Variants in PCDHGB1 observed in about 807,000 individuals in gnomAD.
The protein encoded by PCDHGB1 is protocadherin gamma subfamily B, 1.
Under a neutral mutation model 56.6 loss-of-function variants are expected in PCDHGB1, and 34 were observed. That is an observed-to-expected ratio of 0.60 (90% CI 0.46 to 0.80). PCDHGB1 has a LOEUF of 0.80. Among genes scored for constraint, PCDHGB1 ranks in the 30% least tolerant of loss-of-function variants. The probability of loss-of-function intolerance (pLI) is 0.00; values close to 1 mark genes in which losing one functional copy is unlikely to be tolerated. For synonymous variants in PCDHGB1, 561 were observed against 505.9 expected, an observed-to-expected ratio of 1.11 and a Z score of -1.46; for missense variants, 1,278 against 1,204.6, an observed-to-expected ratio of 1.06 and a Z score of -0.90.
At chr5:141,498,670 G>A (rs1266576450) in intron 2 of PCDHGB1, among the ~76,000 whole-genome samples, 1 of 152,066 alleles carries the variant, frequency 6.6e-6, no homozygotes, top group Non-Finnish European at 1.5e-5. Flanking sequence ...GGTGGCTCAC[G>A]CCTGTAATCC....
chr5:141,423,612 TGAAGAC>T, intron 1 of PCDHGB1: 1 of 1,611,004 alleles, frequency 6.2e-7, no homozygotes, highest in African/African-American at 1.3e-5. Flanking sequence ...TCTTGATAGC[TGAAGAC>T]TCAGCTATCA....
In PCDHGB1 at chr5:141,485,632, G is replaced by A. The variant is rs1335265010; in HGVS notation, c.2410-9175G>A. On this transcript the variant is annotated intron_variant, in intron 1 of 3. Transcript: ENST00000523390. This position sits in a 1 kb window ranked among gnomAD's most constrained non-coding sequence, Gnocchi z 5.7. ...CAGCTCCTCCAGGACAGCGTTTCCCGTTGGAAAAGGCTCAGGATGCAGATG... is the reference window on the plus strand; with the variant it reads ...CAGCTCCTCCAGGACAGCGTTTCCCATTGGAAAAGGCTCAGGATGCAGATG... 1.2e-6 allele frequency: 2 copies of A among 1,611,766 alleles called. No homozygotes were observed. The highest frequency in any genetic ancestry group is 1.7e-6 in the Non-Finnish European group (2 of 1,178,342).
chr5:141,448,956 C>A (rs2098619571), intron 1 of PCDHGB1, among the ~76,000 whole-genome samples: 1 of 151,948 alleles, frequency 6.6e-6, no homozygotes, highest in Non-Finnish European at 1.5e-5. Context: ...AAAAAACAAA[C>A]AAACAAACAA....
chr5:141,360,927 G>T (rs1455731700), intron 1 of PCDHGB1: 1 of 1,613,866 alleles, frequency 6.2e-7, no homozygotes, highest in African/African-American at 1.3e-5. Flanking sequence ...TGCTTCAAGT[G>T]ACAGCCACCG....
chr5:141,415,766 TTTTTTTACTTTC>T, intron 1 of PCDHGB1: 1 of 1,295,032 alleles, frequency 7.7e-7, no homozygotes, highest in Admixed American at 3.5e-5. Flanking sequence ...TTTTTTTTTT[TTTTTTTACTTTC>T]TGGTAAAATT....
intron 1 of PCDHGB1, chr5:141,384,037 G>T (rs759701397): frequency 6.2e-7 from 1 of 1,613,004 alleles, no homozygotes; most frequent in Admixed American, 1.7e-5. Context: ...TGGAAAGAAT[G>T]GTGAGGTGAC....
intron 1 of PCDHGB1, chr5:141,384,177 T>C (rs1779802926): frequency 6.2e-7 from 1 of 1,613,720 alleles, no homozygotes; most frequent in African/African-American, 1.3e-5. Flanking sequence ...AAGCCACAGA[T>C]GGTGGAACTC....
At chr5:141,455,860 A>ATTAT (rs145569377) in intron 1 of PCDHGB1, among the ~76,000 whole-genome samples, 7,190 of 139,786 alleles carry the variant, frequency 0.051, 228 homozygotes, top group South Asian at 0.064. Context: ...AATTTCTTTT[A>ATTAT]TTATTTATTT....
chr5:141,410,167 T>A (rs372848702), intron 1 of PCDHGB1: 1 of 1,613,770 alleles, frequency 6.2e-7, no homozygotes, highest in South Asian at 1.1e-5. Flanking sequence ...CGCCACTCTC[T>A]GCCACCGCCA....
At chr5:141,394,982 C>CCTGCTCCA (rs2093142772) in intron 1 of PCDHGB1, 2 of 1,613,866 alleles carry the variant, frequency 1.2e-6, no homozygotes, top group South Asian at 2.2e-5. Flanking sequence ...ACAAGTCACG[C>CCTGCTCCA]CTGCTCCAGG....
chr5:141,351,748 G>C lies in PCDHGB1; in HGVS notation c.1488G>C (p.Glu496Asp). The change falls in exon 1 of 4, where the codon GAG becomes GAC. Residue 496 changes from glutamate to aspartate, a missense_variant. Transcript: ENST00000523390. ...SILASDLEPR[E>D]LLSYVSVSPQ... ...TGGCCAGTGACCTGGAGCCGCGGGAGCTGTTGTCCTACGTGTCCGTGAGCC... is the reference window on the plus strand; with the variant it reads ...TGGCCAGTGACCTGGAGCCGCGGGACCTGTTGTCCTACGTGTCCGTGAGCC... 6.2e-7 allele frequency: 1 copy of C among 1,613,678 alleles called. No individual in the cohort carries two copies. The highest frequency in any genetic ancestry group is 8.5e-7 in the Non-Finnish European group (1 of 1,179,910).
intron 1 of PCDHGB1, chr5:141,427,995 G>T (rs1292989797): frequency 6.3e-7 from 1 of 1,599,590 alleles, no homozygotes; most frequent in Non-Finnish European, 8.6e-7. Flanking sequence ...CGATGGCTCC[G>T]CACTCTTCGA....
chr5:141,409,750 G>T, intron 1 of PCDHGB1: 1 of 1,613,016 alleles, frequency 6.2e-7, no homozygotes, highest in South Asian at 1.1e-5. Context: ...TGGTGTTCGC[G>T]CAGCGCGCCT....
intron 1 of PCDHGB1, among the ~76,000 whole-genome samples, chr5:141,380,623 C>T (rs1249230107): frequency 6.6e-6 from 1 of 152,204 alleles, no homozygotes; most frequent in Non-Finnish European, 1.5e-5. Flanking sequence ...TGTTCGATAA[C>T]TTAGAAAATG....
At chr5:141,376,832 G>A (rs1773425503) in intron 1 of PCDHGB1, 3 of 257,250 alleles carry the variant, frequency 1.2e-5, no homozygotes, top group South Asian at 6.2e-5. Flanking sequence ...GACTACAGGC[G>A]CCCGCCACCG....
chr5:141,421,642 G>A, intron 1 of PCDHGB1: 1 of 1,613,850 alleles, frequency 6.2e-7, no homozygotes, highest in South Asian at 1.1e-5. Flanking sequence ...GGAGGACGAA[G>A]TGGAGATAAA....
At chr5:141,415,422 G>A (rs769839324) in intron 1 of PCDHGB1, 3 of 1,614,204 alleles carry the variant, frequency 1.9e-6, no homozygotes, top group East Asian at 2.2e-5. Context: ...GCGTGGACGG[G>A]GTTCGGGCTT....
chr5:141,375,865 G>A (rs1588782771), intron 1 of PCDHGB1: 1 of 1,613,976 alleles, frequency 6.2e-7, no homozygotes, highest in Non-Finnish European at 8.5e-7. Context: ...TGGTGGCGGT[G>A]GACAGAGACT....
At chr5:141,502,768 T>C (rs1389860952) in intron 2 of PCDHGB1, among the ~76,000 whole-genome samples, 1 of 152,154 alleles carries the variant, frequency 6.6e-6, no homozygotes, top group East Asian at 1.9e-4. Context: ...GCTGGTATTC[T>C]TCTGAAAATT....
Sources: allele counts gnomAD v4.1 joint callset (sites outside exome capture counted in the v4.1 genomes callset), GRCh38; gene constraint gnomAD v4.1.1; non-coding constraint Gnocchi (gnomAD v3.1); transcripts MANE v1.5; gene names NCBI Gene and HGNC (gene_info 2026-07-23, HGNC 2026-07-21).